Variants in PRIMA1 observed in about 807,000 individuals in gnomAD.
PRIMA1 encodes proline rich membrane anchor 1.
A neutral mutation model predicts 17.5 loss-of-function variants in PRIMA1; 7 were observed. The observed-to-expected ratio is 0.40, with a 90% CI of 0.23 to 0.75. The LOEUF is 0.75. Among genes scored for constraint, PRIMA1 ranks in the 30% least tolerant of loss-of-function variants. The probability of loss-of-function intolerance (pLI) is 0.37; values close to 1 mark genes in which losing one functional copy is unlikely to be tolerated. For synonymous variants in PRIMA1, 97 were observed against 77.9 expected, an observed-to-expected ratio of 1.25 and a Z score of -1.29; for missense variants, 200 against 201.8, an observed-to-expected ratio of 0.99 and a Z score of 0.05.
chr14:93,746,196 T>C (rs946759679), intron 3 of PRIMA1, among the ~76,000 whole-genome samples: 2 of 152,130 alleles, frequency 1.3e-5, no homozygotes, highest in African/African-American at 4.8e-5. Flanking sequence ...AGGAAAAGTC[T>C]GCTGGGGGCT....
chr14:93,736,396 C>G (rs1409994172), intron 4 of PRIMA1, among the ~76,000 whole-genome samples: 1 of 152,166 alleles, frequency 6.6e-6, no homozygotes, highest in Non-Finnish European at 1.5e-5. Context: ...TGAGGAGAAC[C>G]CAGTGCCCGG....
intron 4 of PRIMA1, among the ~76,000 whole-genome samples, chr14:93,728,248 T>C (rs2076092405): frequency 6.6e-6 from 1 of 152,166 alleles, no homozygotes; most frequent in Admixed American, 6.5e-5. Flanking sequence ...ACCAGGTTGG[T>C]AGTCATCTGA....
At chr14:93,747,019 G>A (rs2141168604) in intron 3 of PRIMA1, among the ~76,000 whole-genome samples, 1 of 152,324 alleles carries the variant, frequency 6.6e-6, no homozygotes, top group Middle Eastern at 3.4e-3. Flanking sequence ...GCCGGACTCT[G>A]CGTTGAGAAT....
At position 93,718,460 on chromosome 14, in the gene PRIMA1, T is replaced by C. The variant is rs1321004869; in HGVS notation, c.*2984A>G. On this transcript the variant is annotated 3_prime_UTR_variant, in exon 5 of 5. Transcript: ENST00000393140. Reference sequence around the variant, plus strand: ...TGGTGGATAAGACGGCATCAACTTGTACATTTGCCCATTGAGAGAACTCCC... The same window carrying C: ...TGGTGGATAAGACGGCATCAACTTGCACATTTGCCCATTGAGAGAACTCCC... 10 of 152,578 alleles carry C rather than the reference T, an allele frequency of 6.6e-5. No individual in the cohort carries two copies. Among genetic ancestry groups the C allele is most frequent in the Non-Finnish European group, 1.5e-4 (10 of 68,024 alleles). The allele number at this position is 152,578 out of a possible 1,614,324, so 9.5% of individuals were successfully genotyped here.
chr14:93,787,770 G>A (rs778324236), intron 1 of PRIMA1, 21 bp from the exon 2 acceptor site: 7 of 1,528,528 alleles, frequency 4.6e-6, no homozygotes, highest in South Asian at 3.6e-5. Context: ...AGCAAGGCTA[G>A]GGTCAGGCGG....
intron 3 of PRIMA1, among the ~76,000 whole-genome samples, chr14:93,775,129 C>T (rs902751683): frequency 4.6e-5 from 7 of 152,180 alleles, no homozygotes; most frequent in East Asian, 1.9e-4. Flanking sequence ...GGCAAATGCT[C>T]GCCAGGTGAA....
At chr14:93,723,047 G>C (rs1189096336) in intron 4 of PRIMA1, among the ~76,000 whole-genome samples, 2 of 152,034 alleles carry the variant, frequency 1.3e-5, no homozygotes, top group Non-Finnish European at 2.9e-5. Flanking sequence ...GTGTACTTTT[G>C]GGCCTGGCTC....
intron 3 of PRIMA1, among the ~76,000 whole-genome samples, chr14:93,743,264 T>C (rs1273549638): frequency 1.3e-5 from 2 of 152,160 alleles, no homozygotes; most frequent in Non-Finnish European, 2.9e-5. Flanking sequence ...GGTGACACCA[T>C]GGGCATGCTG....
intron 2 of PRIMA1, among the ~76,000 whole-genome samples, chr14:93,782,290 A>AC (rs1385741967): frequency 4.6e-4 from 70 of 151,830 alleles, no homozygotes; most frequent in Admixed American, 1.4e-3. Context: ...ATAAATAAAT[A>AC]AATACATACA....
intron 4 of PRIMA1, among the ~76,000 whole-genome samples, chr14:93,729,440 G>C (rs1025262238): frequency 3.3e-5 from 5 of 152,162 alleles, no homozygotes; most frequent in African/African-American, 1.2e-4. Context: ...AAGAGGCTTT[G>C]GCCCATGAGA....
intron 4 of PRIMA1, among the ~76,000 whole-genome samples, chr14:93,732,815 C>T (rs1012792482): frequency 1.3e-5 from 2 of 152,220 alleles, no homozygotes; most frequent in Non-Finnish European, 2.9e-5. Context: ...CAGCTGAGCC[C>T]AGCTGAGCCC....
chr14:93,747,250 G>A (rs978247474), intron 3 of PRIMA1, among the ~76,000 whole-genome samples: 1 of 152,208 alleles, frequency 6.6e-6, no homozygotes, highest in Admixed American at 6.5e-5. Context: ...GGACGTCCAG[G>A]AGGAGGGGAG....
At chr14:93,766,850 CAAGAAGAAGAAATGA>C (rs539474603) in intron 3 of PRIMA1, among the ~76,000 whole-genome samples, 21 of 152,156 alleles carry the variant, frequency 1.4e-4, no homozygotes, top group Non-Finnish European at 2.4e-4. Context: ...TTCTGCAACT[CAAGAAGAAGAAATGA>C]AGAAGGAAAA....
At chr14:93,742,062 G>A (rs539971267) in intron 3 of PRIMA1, among the ~76,000 whole-genome samples, 5 of 152,302 alleles carry the variant, frequency 3.3e-5, no homozygotes, top group Non-Finnish European at 5.9e-5. Context: ...GAGATGCATC[G>A]TTAAAAGCTT....
chr14:93,756,289 G>A (rs571526808), intron 3 of PRIMA1, among the ~76,000 whole-genome samples: 1 of 152,200 alleles, frequency 6.6e-6, no homozygotes, highest in South Asian at 2.1e-4. Context: ...AGTATCTAAT[G>A]GCTGCCACTG....
At chr14:93,771,812 G>A (rs1885077568) in intron 3 of PRIMA1, among the ~76,000 whole-genome samples, 1 of 152,138 alleles carries the variant, frequency 6.6e-6, no homozygotes, top group African/African-American at 2.4e-5. Context: ...ACGTGCAAAG[G>A]CTCCAAGACA....
At position 93,726,592 on chromosome 14, in the gene PRIMA1, C is replaced by T. The variant is rs75071290; in HGVS notation, c.360-5046G>A. On this transcript the variant is annotated intron_variant, in intron 4 of 4. Transcript: ENST00000393140. The surrounding 1 kb of genome is among the most constrained non-coding windows in gnomAD (Gnocchi z 4.2). ...CACACACTATACACATACACATGTA[C>T]GCAAACACACACATATATAATATAC... is the stretch of plus-strand genomic sequence containing the variant. Among the ~76,000 whole-genome samples, 574 of 152,090 alleles carry T rather than the reference C, an allele frequency of 3.8e-3. 4 individuals carry two copies. Among genetic ancestry groups the T allele is most frequent in the East Asian group, 0.021 (107 of 5,172 alleles).
chr14:93,745,153 C>A (rs2062476129), intron 3 of PRIMA1, among the ~76,000 whole-genome samples: 1 of 152,192 alleles, frequency 6.6e-6, no homozygotes, highest in Non-Finnish European at 1.5e-5. Context: ...GGAAGCTGGG[C>A]TTCGGTGGCC....
chr14:93,768,191 G>A (rs1884950146), intron 3 of PRIMA1, among the ~76,000 whole-genome samples: 1 of 152,034 alleles, frequency 6.6e-6, no homozygotes, highest in Admixed American at 6.5e-5. Flanking sequence ...CCACCTCAAT[G>A]TTCAGTCCAG....
Sources: gnomAD v4.1 joint callset for allele counts (sites outside exome capture counted in the v4.1 genomes callset) on GRCh38, gnomAD v4.1.1 for gene constraint, Gnocchi (gnomAD v3.1) non-coding constraint, MANE v1.5 for transcripts, NCBI Gene and HGNC (gene_info 2026-07-23, HGNC 2026-07-21) for gene names.